The following CPVL variants were observed in gnomAD, a reference collection of about 807,000 sequenced individuals.
CPVL encodes the protein carboxypeptidase vitellogenic like, also known as probable serine carboxypeptidase CPVL.
Under a neutral mutation model 63.7 loss-of-function variants are expected in CPVL, and 51 were observed. That is an observed-to-expected ratio of 0.80 (90% confidence interval 0.64 to 1.01). The LOEUF is 1.01. Ranked by LOEUF, CPVL falls within the 50% of genes least tolerant of loss-of-function variation. The pLI is 0.00. For synonymous variants in CPVL, 195 were observed against 206.0 expected, an observed-to-expected ratio of 0.95 and a Z score of 0.46; for missense variants, 530 against 573.1, an observed-to-expected ratio of 0.92 and a Z score of 0.77.
chr7:29,147,065 C>G (rs1195397781), upstream of CPVL: 31 of 1,455,258 alleles, frequency 2.1e-5, no homozygotes, highest in Non-Finnish European at 9.2e-7. Context: ...ACCCATTTTG[C>G]AATTGGGGGA....
At chr7:29,055,060 C>T (rs1404570648) in intron 11 of CPVL, among the ~76,000 whole-genome samples, 4 of 152,130 alleles carry the variant, frequency 2.6e-5, no homozygotes, top group African/African-American at 9.6e-5. Context: ...TTTTATCTCT[C>T]ATATGTCCTA....
At chr7:29,021,913 G>A (rs1787025716) in intron 12 of CPVL, among the ~76,000 whole-genome samples, 1 of 152,022 alleles carries the variant, frequency 6.6e-6, no homozygotes, top group African/African-American at 2.4e-5. Flanking sequence ...TCACGATACT[G>A]GCTGGAGCCA....
At chr7:29,166,552 G>T (rs1795940197) in intron 5 of CPVL, among the ~76,000 whole-genome samples, 1 of 152,212 alleles carries the variant, frequency 6.6e-6, no homozygotes, top group East Asian at 1.9e-4. Context: ...TAGCTATTGA[G>T]CTATCCAGGT....
chr7:29,194,751 A>C (rs1488413321), intron 1 of CPVL: 1 of 452,666 alleles, frequency 2.2e-6, no homozygotes, highest in East Asian at 3.8e-5. Flanking sequence ...ACAAATAAAT[A>C]GCGGCGGCGG....
chr7:29,101,280 C>T (rs1282598846), intron 3 of CPVL, among the ~76,000 whole-genome samples: 2 of 152,204 alleles, frequency 1.3e-5, no homozygotes, highest in Non-Finnish European at 2.9e-5. Context: ...TGAAGCAAGA[C>T]AATTAATGCA....
At chr7:29,076,653 T>C (rs1259486807) in intron 7 of CPVL, among the ~76,000 whole-genome samples, 1 of 152,238 alleles carries the variant, frequency 6.6e-6, no homozygotes, top group Non-Finnish European at 1.5e-5. Context: ...GCACTGCTCT[T>C]ACTTGGTTAA....
intron 12 of CPVL, among the ~76,000 whole-genome samples, chr7:28,998,916 T>C (rs1450235737): frequency 6.6e-6 from 1 of 152,122 alleles, no homozygotes; most frequent in African/African-American, 2.4e-5. Flanking sequence ...TTTAAAACAA[T>C]GGTTCTTGGC....
upstream of CPVL, among the ~76,000 whole-genome samples, chr7:29,149,340 C>A (rs945197117): frequency 3.3e-5 from 5 of 151,662 alleles, no homozygotes; most frequent in Non-Finnish European, 7.4e-5. Flanking sequence ...CTACAAGCAC[C>A]CGCCACCACA....
At chr7:29,042,845 C>T (rs1789248719) in intron 11 of CPVL, among the ~76,000 whole-genome samples, 1 of 152,194 alleles carries the variant, frequency 6.6e-6, no homozygotes, top group African/African-American at 2.4e-5. Flanking sequence ...CCTAGAGATG[C>T]TCAGAAGCTC....
At chr7:29,121,215 T>C (rs2128641477) in intron 1 of CPVL, 144 bp from the exon 2 acceptor site, 2 of 657,936 alleles carry the variant, frequency 3.0e-6, no homozygotes, top group East Asian at 6.3e-5. Flanking sequence ...GCACCATAAA[T>C]AAGCACACCC....
intron 7 of CPVL, 112 bp downstream of exon 7, chr7:29,086,368 ATATG>A: frequency 1.5e-6 from 1 of 645,830 alleles, no homozygotes; most frequent in Non-Finnish European, 2.8e-6. Context: ...ATCAATATTG[ATATG>A]TATGTGTACA....
At chr7:29,180,811 T>A (rs1037784370) in intron 5 of CPVL, among the ~76,000 whole-genome samples, 37 of 152,292 alleles carry the variant, frequency 2.4e-4, no homozygotes, top group African/African-American at 8.9e-4. Context: ...CTGTGTGATG[T>A]TGGACAAGAC....
intron 11 of CPVL, among the ~76,000 whole-genome samples, chr7:29,041,083 C>T (rs1313741013): frequency 1.3e-5 from 2 of 151,724 alleles, no homozygotes; most frequent in Non-Finnish European, 2.9e-5. Flanking sequence ...TTTCTGATCC[C>T]CTTGCCTCTC....
At chr7:29,182,833 T>A (rs755811506) in intron 4 of CPVL, among the ~76,000 whole-genome samples, 7 of 152,166 alleles carry the variant, frequency 4.6e-5, no homozygotes, top group Non-Finnish European at 1.0e-4. Context: ...AGAGACAGCA[T>A]CCTATTGTGT....
chr7:29,149,075 G>A (rs149412100), upstream of CPVL, among the ~76,000 whole-genome samples: 543 of 152,126 alleles, frequency 3.6e-3, 3 homozygotes, highest in Middle Eastern at 0.01. Flanking sequence ...TGGGTCGGGG[G>A]TTAACTAATA....
intron 2 of CPVL, 118 bp from the exon 3 acceptor site, chr7:29,112,940 T>C: frequency 1.5e-6 from 1 of 687,632 alleles, no homozygotes; most frequent in Non-Finnish European, 2.6e-6. Context: ...AGGGAACTGG[T>C]ATGACAGGTA....
intron 4 of CPVL, among the ~76,000 whole-genome samples, chr7:29,183,245 T>C (rs1204753794): frequency 6.6e-6 from 1 of 152,008 alleles, no homozygotes; most frequent in Non-Finnish European, 1.5e-5. Flanking sequence ...CCAACATGAC[T>C]GGCTAATTTT....
chr7:29,148,321 A>G (rs952502124), upstream of CPVL, among the ~76,000 whole-genome samples: 14 of 152,246 alleles, frequency 9.2e-5, no homozygotes, highest in African/African-American at 3.4e-4. Context: ...TAAACACAGG[A>G]GGAGCCATGC....
At chr7:29,121,607 C>A (rs557837874) in intron 1 of CPVL, among the ~76,000 whole-genome samples, 1 of 151,920 alleles carries the variant, frequency 6.6e-6, no homozygotes, top group Non-Finnish European at 1.5e-5. Flanking sequence ...CATTTCAGGC[C>A]GAAAGATCAC....
Sources: gnomAD v4.1 joint callset for allele counts (sites outside exome capture counted in the v4.1 genomes callset) on GRCh38, gnomAD v4.1.1 for gene constraint, MANE v1.5 for transcripts, NCBI Gene and HGNC (gene_info 2026-07-23, HGNC 2026-07-21) for gene names.